ACAT2: variants seen among roughly 807,000 people sequenced by gnomAD.
ACAT2 encodes the protein acetyl-CoA acetyltransferase 2.
ACAT2 carries 26 observed loss-of-function variants against 37.1 expected under a neutral mutation model. The ratio of observed to expected loss-of-function variants is 0.70; its 90% CI spans 0.51 to 0.97. The LOEUF (loss-of-function observed/expected upper bound fraction) is 0.97. Among genes scored for constraint, ACAT2 ranks in the 50% least tolerant of loss-of-function variants. ACAT2 has a pLI of 0.00. For synonymous variants in ACAT2, 156 were observed against 163.6 expected (o/e 0.95, Z 0.35); for missense variants, 468 against 489.0 (o/e 0.96, Z 0.40).
Position 159,772,003 on chromosome 6 carries a change from A to G in ACAT2, c.491-3167A>G, listed in dbSNP as rs990740135. 2.6e-5 allele frequency among the ~76,000 whole-genome samples: 4 copies of G among 152,098 alleles called. No individual in the cohort carries two copies. In the East Asian group the frequency reaches 5.8e-4, roughly 22 times the overall value. The stretch of plus-strand genomic sequence containing the variant: ...CACTTTGGGAGGCCGAGGCGGGCGG[A>G]TCATGAGGTCAGGAGATTGAGACCA... On this transcript the variant is annotated intron_variant, in intron 4 of 8. Coordinates refer to ENST00000367048, the MANE Select transcript of ACAT2 (RefSeq NM_005891.3).
intron 8 of ACAT2, 82 bp from the exon 9 acceptor site, chr6:159,778,577 A>G (rs1780487051): frequency 4.1e-6 from 6 of 1,474,344 alleles, no homozygotes; most frequent in Non-Finnish European, 4.7e-6. Flanking sequence ...ATGCTGATAC[A>G]TTAAGAGGAA....
intron 3 of ACAT2, 33 bp from the exon 4 acceptor site, chr6:159,768,477 TA>T (rs1415890361): frequency 6.8e-7 from 1 of 1,474,376 alleles, no homozygotes. Context: ...TAATTGCAAC[TA>T]AGCCTAAATC....
intron 4 of ACAT2, among the ~76,000 whole-genome samples, chr6:159,772,273 A>G (rs778254866): frequency 6.6e-6 from 1 of 152,198 alleles, no homozygotes; most frequent in African/African-American, 2.4e-5. Context: ...ATAAAATGCA[A>G]AGCACTCAGA....
intron 4 of ACAT2, among the ~76,000 whole-genome samples, chr6:159,770,033 ACATCT>A (rs1246221894): frequency 6.6e-6 from 1 of 152,216 alleles, no homozygotes; most frequent in Non-Finnish European, 1.5e-5. Flanking sequence ...CACTCCATTG[ACATCT>A]CAGAAAGACC....
chr6:159,766,243 T>C (rs1213583279), intron 2 of ACAT2, among the ~76,000 whole-genome samples: 6 of 152,234 alleles, frequency 3.9e-5, no homozygotes, highest in African/African-American at 1.4e-4. Flanking sequence ...AACTGCTTAT[T>C]ATCAAAGGTT....
In ACAT2 at chr6:159,775,157, T is replaced by C; in HGVS notation, c.491-13T>C. The C allele has an allele frequency of 6.2e-7, 1 of 1,611,962 alleles. No homozygotes were observed. ...GAAAATGTTAGTTTTTTGCTGTTTT[T>C]CTCCTTTCCCAGCTGAAAATGTAGC... On this transcript the variant is annotated splice_polypyrimidine_tract_variant and intron_variant, in intron 4 of 8. Transcript: ENST00000367048.
chr6:159,766,898 C>A, intron 2 of ACAT2, 107 bp from the exon 3 acceptor site: 1 of 1,374,676 alleles, frequency 7.3e-7, no homozygotes, highest in Non-Finnish European at 1.0e-6. Context: ...GACCTGTAGG[C>A]TTTCAGAAGT....
rs545645148 is a variant in ACAT2, at chr6:159,772,098, G to A, written c.491-3072G>A. 3.3e-5 allele frequency among the ~76,000 whole-genome samples: 5 copies of A among 152,212 alleles called. No homozygotes were observed. The East Asian group carries it at 5.8e-4, about 18-fold the overall frequency. On this transcript the variant is annotated intron_variant, in intron 4 of 8. Coordinates refer to ENST00000367048, the MANE Select transcript of ACAT2 (RefSeq NM_005891.3). ...AAATTAGCCAGGTGTTGCAGCAGGT[G>A]CCTGTAGTCCCAGCTACTCTGGAGG...
chr6:159,763,149 C>T (rs560311977), intron 2 of ACAT2, 96 bp downstream of exon 2: 6 of 1,484,850 alleles, frequency 4.0e-6, no homozygotes, highest in Non-Finnish European at 4.5e-6. Flanking sequence ...CACACTCTCT[C>T]ACTCACTCAA....
At chr6:159,776,817 C>T (rs1016471745) in intron 6 of ACAT2, among the ~76,000 whole-genome samples, 1 of 152,116 alleles carries the variant, frequency 6.6e-6, no homozygotes, top group Non-Finnish European at 1.5e-5. Context: ...GAGACGGAGC[C>T]TCACTCTGTC....
intron 2 of ACAT2, among the ~76,000 whole-genome samples, chr6:159,764,528 C>T (rs1259490884): frequency 6.6e-6 from 1 of 152,128 alleles, no homozygotes; most frequent in Non-Finnish European, 1.5e-5. Flanking sequence ...ACTATAACCT[C>T]AAACTCCTGG....
intron 7 of ACAT2, among the ~76,000 whole-genome samples, 189 bp from the exon 8 acceptor site, chr6:159,777,981 C>T (rs1780458250): frequency 2.0e-5 from 3 of 152,210 alleles, no homozygotes; most frequent in Admixed American, 6.5e-5. Flanking sequence ...AGATCACACC[C>T]TTAACCTTTT....
intron 1 of ACAT2, chr6:159,762,485 G>C: frequency 7.6e-7 from 1 of 1,313,404 alleles, no homozygotes; most frequent in Non-Finnish European, 9.8e-7. Flanking sequence ...CATCGGTAAT[G>C]CCTGCGGCAG....
chr6:159,762,784 G>A (rs772473618), intron 1 of ACAT2, 135 bp from the exon 2 acceptor site: 1 of 1,593,236 alleles, frequency 6.3e-7, no homozygotes, highest in African/African-American at 1.3e-5. Flanking sequence ...GCAGGTGTAG[G>A]AACGTGTGGG....
chr6:159,775,142 G>GT, intron 4 of ACAT2, 28 bp from the exon 5 acceptor site: 1 of 1,611,064 alleles, frequency 6.2e-7, no homozygotes, highest in Non-Finnish European at 8.5e-7. Context: ...GAAAATGTTA[G>GT]TTTTTTGCTG....
chr6:159,777,459 G>C lies in ACAT2; in HGVS notation c.912+3G>C, dbSNP rs748011161. The stretch of plus-strand genomic sequence containing the variant: ...CAATTCCAGCCATAAAGCAAGCTGT[G>C]AGTATAACCCTATTCCCTTTTATGA... On this transcript the variant is annotated splice_donor_region_variant and intron_variant, in intron 7 of 8. Coordinates refer to ENST00000367048, the MANE Select transcript of ACAT2 (RefSeq NM_005891.3). 3.7e-6 allele frequency: 6 copies of C among 1,612,482 alleles called. No individual in the cohort carries two copies. The East Asian group carries it at 1.3e-4, about 36-fold the overall frequency.
chr6:159,766,885 C>T (rs1327463640), intron 2 of ACAT2, 120 bp from the exon 3 acceptor site: 1 of 1,245,076 alleles, frequency 8.0e-7, no homozygotes, highest in African/African-American at 1.5e-5. Context: ...TGGGCACTTA[C>T]TTGACCTGTA....
intron 3 of ACAT2, among the ~76,000 whole-genome samples, chr6:159,767,955 A>T (rs1361928997): frequency 1.3e-5 from 2 of 152,220 alleles, no homozygotes; most frequent in African/African-American, 4.8e-5. Context: ...TTTACAGGTA[A>T]GGAAACTGAG....
intron 2 of ACAT2, among the ~76,000 whole-genome samples, chr6:159,763,715 C>T (rs1780202966): frequency 7.5e-6 from 1 of 132,550 alleles, no homozygotes; most frequent in Non-Finnish European, 1.5e-5. Context: ...TCTCGGCTCA[C>T]TGCAAGCTCC....
Sources: gnomAD v4.1 joint callset for allele counts (sites outside exome capture counted in the v4.1 genomes callset) on GRCh38, gnomAD v4.1.1 for gene constraint, MANE v1.5 for transcripts, NCBI Gene and HGNC (gene_info 2026-07-23, HGNC 2026-07-21) for gene names.